The following DUSP16 variants were observed in gnomAD, a reference collection of about 807,000 sequenced individuals.
The protein encoded by DUSP16 is dual specificity protein phosphatase 16.
In DUSP16, 21 loss-of-function variants were observed where a neutral mutation model predicts 58.3. That is an observed-to-expected ratio of 0.36 (90% CI 0.26 to 0.52). DUSP16 has a LOEUF of 0.52. DUSP16 is among the 20% of genes least tolerant of loss of function. The pLI is 0.94. For synonymous variants in DUSP16, 320 were observed against 323.8 expected, an observed-to-expected ratio of 0.99 and a Z score of 0.12; for missense variants, 726 against 819.0, an observed-to-expected ratio of 0.89 and a Z score of 1.39.
At chr12:12,528,016 AC>A (rs1944329986) in intron 1 of DUSP16, among the ~76,000 whole-genome samples, 5 of 152,202 alleles carry the variant, frequency 3.3e-5, no homozygotes, top group Admixed American at 3.3e-4. Flanking sequence ...AGAAGCCTTC[AC>A]CAAAGTTTCT....
At chr12:12,485,498 G>A (rs936615247) in intron 5 of DUSP16, 2 of 152,056 alleles carry the variant, frequency 1.3e-5, no homozygotes, top group African/African-American at 4.8e-5. Context: ...ATAATATGGG[G>A]CTTAATATAC....
rs143944965 is a variant in DUSP16 at position 12,551,367 on chromosome 12, G to A, written c.-366+10750C>T. ...AAAATACAAAAAAAATCAGCCAGGC[G>A]TGGTGGTGCGTGTAATCTGAGCTAG... On this transcript the variant is annotated intron_variant, in intron 1 of 6. Transcript: ENST00000298573. 2.2e-3 allele frequency among the ~76,000 whole-genome samples: 340 copies of A among 151,358 alleles called. 1 individual carries two copies. The highest frequency in any genetic ancestry group is 7.7e-3 in the African/African-American group (316 of 41,262).
chr12:12,561,474 C>T (rs1194671515), intron 1 of DUSP16, among the ~76,000 whole-genome samples: 1 of 152,182 alleles, frequency 6.6e-6, no homozygotes, highest in Non-Finnish European at 1.5e-5. Flanking sequence ...ATACACAGAC[C>T]CTGGGCTTTT....
In DUSP16 at chr12:12,521,104, C is replaced by G. The variant is rs1324973293; in HGVS notation, c.-6G>C. The G allele has an allele frequency of 1.3e-5, 21 of 1,613,564 alleles. No individual in the cohort carries two copies. The highest frequency in any genetic ancestry group is 1.6e-5 in the Non-Finnish European group (19 of 1,179,818). ...CCAATCATCTCATGGGCCATGACAA[C>G]AATAAGTCCTCTTTTCCCACCTCCT... On this transcript the variant is annotated 5_prime_UTR_variant, in exon 2 of 7. Coordinates refer to ENST00000298573, the MANE Select transcript of DUSP16 (RefSeq NM_030640.3).
intron 1 of DUSP16, among the ~76,000 whole-genome samples, chr12:12,531,491 G>A (rs1325238093): frequency 6.6e-6 from 1 of 152,066 alleles, no homozygotes; most frequent in African/African-American, 2.4e-5. Context: ...CCAAAAGTGT[G>A]TTGTATCTAC....
intron 1 of DUSP16, among the ~76,000 whole-genome samples, chr12:12,532,495 G>T (rs1944405508): frequency 6.6e-6 from 1 of 152,064 alleles, no homozygotes; most frequent in African/African-American, 2.4e-5. Flanking sequence ...TTTTACTTAG[G>T]TAATTAAACG....
intron 4 of DUSP16, among the ~76,000 whole-genome samples, chr12:12,487,777 T>C (rs1272658677): frequency 6.6e-6 from 1 of 152,142 alleles, no homozygotes; most frequent in Non-Finnish European, 1.5e-5. Flanking sequence ...CATATTCTCT[T>C]TTTCCCTTTT....
chr12:12,559,381 T>G (rs61915578), intron 1 of DUSP16, among the ~76,000 whole-genome samples: 2,119 of 152,336 alleles, frequency 0.014, 38 homozygotes, highest in East Asian at 0.068. Flanking sequence ...AAATCTGTCA[T>G]AAAATCTGTT....
chr12:12,511,769 C>T (rs1944082367), intron 3 of DUSP16, among the ~76,000 whole-genome samples: 1 of 151,986 alleles, frequency 6.6e-6, no homozygotes, highest in Admixed American at 6.5e-5. Context: ...ATATCTTCAC[C>T]CCCGAGAGCC....
chr12:12,525,042 C>A (rs1427274746), intron 1 of DUSP16, among the ~76,000 whole-genome samples: 1 of 152,132 alleles, frequency 6.6e-6, no homozygotes, highest in African/African-American at 2.4e-5. Flanking sequence ...CTAATTTATT[C>A]CAAAGATTTT....
intron 1 of DUSP16, among the ~76,000 whole-genome samples, chr12:12,543,632 A>G (rs578174621): frequency 1.3e-5 from 2 of 152,282 alleles, no homozygotes; most frequent in South Asian, 4.1e-4. Flanking sequence ...TAAATTGGCT[A>G]AATATATTAT....
chr12:12,528,425 TGAG>T (rs2136239034), intron 1 of DUSP16, among the ~76,000 whole-genome samples: 1 of 152,218 alleles, frequency 6.6e-6, no homozygotes, highest in South Asian at 2.1e-4. Flanking sequence ...ATCTGAGAAT[TGAG>T]GAGAAAATGT....
At chr12:12,543,781 C>T (rs1259016521) in intron 1 of DUSP16, among the ~76,000 whole-genome samples, 1 of 151,872 alleles carries the variant, frequency 6.6e-6, no homozygotes, top group East Asian at 1.9e-4. Flanking sequence ...ATAAAAAACT[C>T]AAGAAGCCTA....
At chr12:12,500,166 C>A (rs1943888969) in intron 4 of DUSP16, among the ~76,000 whole-genome samples, 1 of 152,080 alleles carries the variant, frequency 6.6e-6, no homozygotes, top group African/African-American at 2.4e-5. Flanking sequence ...AAATATATTT[C>A]TAAATGTGTG....
intron 1 of DUSP16, among the ~76,000 whole-genome samples, chr12:12,560,251 T>G (rs1020749909): frequency 6.6e-5 from 10 of 151,976 alleles, no homozygotes; most frequent in Non-Finnish European, 1.2e-4. Context: ...AAAAAAAAAA[T>G]TAATTACCAC....
intron 3 of DUSP16, among the ~76,000 whole-genome samples, chr12:12,515,349 T>TG (rs1309919979): frequency 6.7e-6 from 1 of 149,190 alleles, no homozygotes; most frequent in South Asian, 2.1e-4. Flanking sequence ...TTTTTTGAGA[T>TG]GGAGTTTCAT....
intron 1 of DUSP16, among the ~76,000 whole-genome samples, chr12:12,530,584 T>C (rs578033137): frequency 6.6e-6 from 1 of 152,284 alleles, no homozygotes; most frequent in East Asian, 1.9e-4. Flanking sequence ...TTAGCTTCAG[T>C]GTGAAAAAAC....
intron 4 of DUSP16, among the ~76,000 whole-genome samples, chr12:12,495,786 C>T (rs573570871): frequency 2.0e-5 from 3 of 152,266 alleles, no homozygotes; most frequent in East Asian, 1.9e-4. Flanking sequence ...TTTGCCCATC[C>T]ATTTGCCTTC....
chr12:12,535,993 G>A lies in DUSP16; in HGVS notation c.-365-14530C>T, dbSNP rs149221212. ...GAAGTCTAAAGCCATCTAGGCCACTGTACGCTTTATGAAAATAACATAAGA... is the reference window on the plus strand; with the variant it reads ...GAAGTCTAAAGCCATCTAGGCCACTATACGCTTTATGAAAATAACATAAGA... On this transcript the variant is annotated intron_variant, in intron 1 of 6. Coordinates refer to ENST00000298573, the MANE Select transcript of DUSP16 (RefSeq NM_030640.3). Among the ~76,000 whole-genome samples, 169 of 152,352 alleles carry A rather than the reference G, an allele frequency of 1.1e-3. 1 individual carries two copies. The highest frequency in any genetic ancestry group is 4.8e-3 in the East Asian group (25 of 5,190).
Sources: gnomAD v4.1 joint callset for allele counts (sites outside exome capture counted in the v4.1 genomes callset) on GRCh38, gnomAD v4.1.1 for gene constraint, MANE v1.5 for transcripts, NCBI Gene and HGNC (gene_info 2026-07-23, HGNC 2026-07-21) for gene names.